Variants in TMC2 observed in about 807,000 individuals in gnomAD.
TMC2 encodes the protein transmembrane channel-like protein 2.
TMC2 carries 102 observed loss-of-function variants against 105.9 expected under a neutral mutation model. The ratio of observed to expected loss-of-function variants is 0.96; its 90% CI spans 0.82 to 1.14. The LOEUF is 1.14. Ranked by LOEUF, TMC2 falls within the 50% of genes most tolerant of loss-of-function variation. The pLI is 0.00. For missense variants in TMC2, 1,093 were observed against 1,134.3 expected, an observed-to-expected ratio of 0.96 and a Z score of 0.52; for synonymous variants, 402 against 422.8, an observed-to-expected ratio of 0.95 and a Z score of 0.60.
intron 4 of TMC2, 66 bp from the exon 5 acceptor site, chr20:2,572,113 C>T: frequency 8.1e-7 from 1 of 1,236,474 alleles, no homozygotes; most frequent in East Asian, 2.3e-5. Flanking sequence ...TTTGAGGCTT[C>T]ATAATTCAGA....
chr20:2,560,178 A>T (rs866130172), intron 3 of TMC2, among the ~76,000 whole-genome samples: 1 of 152,018 alleles, frequency 6.6e-6, no homozygotes, highest in Admixed American at 6.6e-5. Flanking sequence ...ATAAGCAATG[A>T]CTGAATGTCC....
At chr20:2,542,274 G>T (rs1014700041) in intron 2 of TMC2, among the ~76,000 whole-genome samples, 8 of 152,212 alleles carry the variant, frequency 5.3e-5, no homozygotes, top group African/African-American at 1.9e-4. Context: ...AAGGGTGATA[G>T]AGTGTGGAGA....
chr20:2,581,313 C>T (rs2086187902), intron 7 of TMC2, among the ~76,000 whole-genome samples: 1 of 152,174 alleles, frequency 6.6e-6, no homozygotes, highest in Admixed American at 6.5e-5. Flanking sequence ...TTCTATATTA[C>T]TCAAAATGTG....
At chr20:2,542,289 G>A (rs1159610320) in intron 2 of TMC2, among the ~76,000 whole-genome samples, 1 of 152,164 alleles carries the variant, frequency 6.6e-6, no homozygotes, top group Admixed American at 6.5e-5. Context: ...TGGAGAAGAA[G>A]CTTGACAAAG....
intron 1 of TMC2, 24 bp downstream of exon 1, chr20:2,536,679 G>C: frequency 3.2e-6 from 5 of 1,566,160 alleles, no homozygotes; most frequent in Non-Finnish European, 4.3e-6. Context: ...CTGATCCTGC[G>C]GGGCCCGCCC....
At position 2,537,295 on chromosome 20, in the gene TMC2, A is replaced by G. The variant is rs766848914; in HGVS notation, c.61A>G (p.Lys21Glu). The change falls in exon 2 of 20, where the codon AAG becomes GAG. Residue 21 changes from lysine (K) to glutamate (E), a missense_variant. Physicochemically the swap from Lys to Glu is moderately conservative, Grantham distance 56. Coordinates refer to ENST00000358864, the MANE Select transcript of TMC2 (RefSeq NM_080751.3). ...ACGAGGCGGAGTGAAAGGGCGGGTG[A>G]AGAGCGGCTCTCCACACACAGGTGA... ...EARGGVKGRV[K>E]SGSPHTGDRL... 1.2e-6 allele frequency: 2 copies of G among 1,603,762 alleles called. No homozygotes were observed. Among genetic ancestry groups the G allele is most frequent in the African/African-American group, 2.7e-5 (2 of 74,784 alleles).
rs1425775672 is a variant in TMC2, at chr20:2,643,531, AT to A, written c.*2182del. 1.3e-5 allele frequency among the ~76,000 whole-genome samples: 2 copies of A among 152,270 alleles called. No homozygotes were observed. Among genetic ancestry groups the A allele is most frequent in the Non-Finnish European group, 2.9e-5 (2 of 68,048 alleles). ...GTCATCTAATGCTGCATAACAAATT[AT>A]TCCCAAAACATAACAGCCTAAAACA... On this transcript the variant is annotated 3_prime_UTR_variant, in exon 20 of 20. Coordinates refer to ENST00000358864, the MANE Select transcript of TMC2 (RefSeq NM_080751.3).
At chr20:2,540,865 C>T (rs2085885609) in intron 2 of TMC2, among the ~76,000 whole-genome samples, 2 of 152,132 alleles carry the variant, frequency 1.3e-5, no homozygotes, top group African/African-American at 4.8e-5. Flanking sequence ...CTTGCCCCAG[C>T]AAACATGCTC....
In TMC2 at chr20:2,641,115, G is replaced by A. The variant is rs1427112264; in HGVS notation, c.2504-19G>A. On this transcript the variant is annotated intron_variant, in intron 19 of 19. Coordinates refer to ENST00000358864, the MANE Select transcript of TMC2 (RefSeq NM_080751.3). ...CAAAATCTCCCACTTCCTCTTTCTT[G>A]TCTTGGTTCGTTTTCCAGAGACCAC... 4 of 1,610,472 alleles carry A rather than the reference G, an allele frequency of 2.5e-6. No individual in the cohort carries two copies. Among genetic ancestry groups the A allele is most frequent in the East Asian group, 2.2e-5 (1 of 44,854 alleles).
chr20:2,634,703 GCCTCTGA>G (rs1187664295), intron 17 of TMC2, among the ~76,000 whole-genome samples: 1 of 152,144 alleles, frequency 6.6e-6, no homozygotes, highest in African/African-American at 2.4e-5. Context: ...TACCTCTCTG[GCCTCTGA>G]CCTCTGATTC....
chr20:2,599,542 T>TTC (rs1342609430), intron 10 of TMC2, among the ~76,000 whole-genome samples: 3 of 142,844 alleles, frequency 2.1e-5, no homozygotes, highest in African/African-American at 7.7e-5. Context: ...TAATTACATT[T>TTC]TTTTTTTTTT....
intron 2 of TMC2, among the ~76,000 whole-genome samples, chr20:2,545,222 C>G (rs2085915496): frequency 6.6e-6 from 1 of 151,874 alleles, no homozygotes; most frequent in African/African-American, 2.4e-5. Flanking sequence ...TAAGTAAATA[C>G]ATACATACAT....
At chr20:2,602,036 A>G (rs1205935896) in intron 10 of TMC2, 77 bp from the exon 11 acceptor site, 2 of 1,002,442 alleles carry the variant, frequency 2.0e-6, no homozygotes, top group East Asian at 2.5e-5. Context: ...AGAAAGTACT[A>G]TTTTCAGGGA....
chr20:2,570,199 A>C (rs1280568216), intron 4 of TMC2, among the ~76,000 whole-genome samples: 4 of 152,218 alleles, frequency 2.6e-5, no homozygotes, highest in Non-Finnish European at 5.9e-5. Flanking sequence ...AAAAGAAGTC[A>C]AAGTATCTCT....
intron 2 of TMC2, among the ~76,000 whole-genome samples, chr20:2,543,644 A>T (rs1425674703): frequency 1.3e-5 from 2 of 152,200 alleles, no homozygotes; most frequent in African/African-American, 4.8e-5. Context: ...CATGAAGCAG[A>T]GGCGTAGCAC....
intron 7 of TMC2, among the ~76,000 whole-genome samples, chr20:2,588,909 T>A (rs761738339): frequency 5.9e-5 from 9 of 152,196 alleles, no homozygotes; most frequent in Non-Finnish European, 1.0e-4. Flanking sequence ...GATGATCACA[T>A]GCTTCAGTTC....
intron 4 of TMC2, among the ~76,000 whole-genome samples, chr20:2,563,867 C>G (rs1381674975): frequency 6.6e-6 from 1 of 152,242 alleles, no homozygotes; most frequent in East Asian, 1.9e-4. Flanking sequence ...GCTGGGACTA[C>G]AGGCATATGC....
At chr20:2,551,127 T>A (rs2085953914) in intron 2 of TMC2, among the ~76,000 whole-genome samples, 1 of 152,112 alleles carries the variant, frequency 6.6e-6, no homozygotes, top group Admixed American at 6.5e-5. Flanking sequence ...TTCCTGTTGT[T>A]CTACATTTTT....
At chr20:2,586,814 T>C (rs6107003) in intron 7 of TMC2, among the ~76,000 whole-genome samples, 11,032 of 152,190 alleles carry the variant, frequency 0.072, 1,313 homozygotes, top group African/African-American at 0.25. Context: ...AACACAACAC[T>C]CATTTATAAA....
Sources: allele counts gnomAD v4.1 joint callset (sites outside exome capture counted in the v4.1 genomes callset), GRCh38; gene constraint gnomAD v4.1.1; transcripts MANE v1.5; gene names NCBI Gene and HGNC (gene_info 2026-07-23, HGNC 2026-07-21).